RAB10: variants seen among roughly 807,000 people sequenced by gnomAD.
RAB10 encodes RAB10, member RAS oncogene family.
A neutral mutation model predicts 25.7 loss-of-function variants in RAB10; 5 were observed. The ratio of observed to expected loss-of-function variants is 0.19; its 90% CI spans 0.10 to 0.41. The LOEUF is 0.41. Among genes scored for constraint, RAB10 ranks in the 10% least tolerant of loss-of-function variants. RAB10 has a pLI of 1.00. For synonymous variants in RAB10, 89 were observed against 86.4 expected (o/e 1.03, Z -0.16); for missense variants, 103 against 245.8 (o/e 0.42, Z 3.89).
chr2:26,067,148 C>T (rs1176795046), intron 1 of RAB10, among the ~76,000 whole-genome samples: 1 of 152,092 alleles, frequency 6.6e-6, no homozygotes, highest in Non-Finnish European at 1.5e-5. Context: ...AACTCCTGGG[C>T]TCAAGTGATC....
intron 1 of RAB10, among the ~76,000 whole-genome samples, chr2:26,076,411 A>G (rs1269143533): frequency 6.6e-6 from 1 of 152,082 alleles, no homozygotes; most frequent in Non-Finnish European, 1.5e-5. Flanking sequence ...CACCATCACA[A>G]TTTTTTGGGA....
intron 1 of RAB10, among the ~76,000 whole-genome samples, chr2:26,059,416 C>T (rs1229792255): frequency 1.3e-5 from 2 of 152,144 alleles, no homozygotes; most frequent in African/African-American, 4.8e-5. Flanking sequence ...TAACTTCTAA[C>T]ATTTAGTAGC....
chr2:26,117,637 A>AAAAAAAAAAAAAAC (rs1559597816), intron 3 of RAB10, among the ~76,000 whole-genome samples: 1 of 138,136 alleles, frequency 7.2e-6, no homozygotes, highest in Non-Finnish European at 1.6e-5. Flanking sequence ...AAAAAAAAAC[A>AAAAAAAAAAAAAAC]AAAAAAACAA....
intron 3 of RAB10, among the ~76,000 whole-genome samples, chr2:26,122,424 C>T (rs956926138): frequency 3.3e-5 from 5 of 152,074 alleles, no homozygotes; most frequent in African/African-American, 9.7e-5. Context: ...GTCAGGAGAT[C>T]GAGACCATCC....
intron 3 of RAB10, among the ~76,000 whole-genome samples, chr2:26,113,866 C>T (rs537223707): frequency 3.4e-4 from 52 of 151,948 alleles, no homozygotes; most frequent in South Asian, 8.3e-4. Flanking sequence ...CCAGAAAACT[C>T]TTAGAACTAA....
intron 1 of RAB10, among the ~76,000 whole-genome samples, chr2:26,037,707 G>C (rs1665794006): frequency 6.6e-6 from 1 of 151,840 alleles, no homozygotes; most frequent in African/African-American, 2.4e-5. Flanking sequence ...TTAGGGGTTA[G>C]TGAGAGTAAA....
At position 26,034,146 on chromosome 2, in the gene RAB10, G is replaced by A. The variant is rs1297264958; in HGVS notation, c.-463G>A. The A allele has an allele frequency of 1.2e-5, 5 of 406,788 alleles. No individual in the cohort carries two copies. The highest frequency in any genetic ancestry group is 1.0e-4 in the African/African-American group (5 of 48,698). The allele number at this position is 406,788 out of a possible 1,614,324, so 25.2% of individuals were successfully genotyped here. A position where few individuals can be genotyped will look rare whatever the true frequency, so the allele number is the denominator to read the frequency against. ...GGGAAAAGGTGGCTCTGGCCGGGGT[G>A]GCTCGGTTTCCTGGGGCTATGTAAC... On this transcript the variant is annotated 5_prime_UTR_variant, in exon 1 of 6. Coordinates refer to ENST00000264710, the MANE Select transcript of RAB10 (RefSeq NM_016131.5).
At chr2:26,071,916 T>C (rs1480997800) in intron 1 of RAB10, among the ~76,000 whole-genome samples, 2 of 152,186 alleles carry the variant, frequency 1.3e-5, no homozygotes, top group African/African-American at 2.4e-5. Flanking sequence ...TGTCTGCTGC[T>C]GTGAGTGTGA....
chr2:26,129,733 G>GC (rs1305696886), intron 5 of RAB10, among the ~76,000 whole-genome samples: 35 of 152,174 alleles, frequency 2.3e-4, no homozygotes, highest in African/African-American at 8.2e-4. Context: ...TTTTGAGTCT[G>GC]CCAGCTTCCT....
At chr2:26,096,012 G>A (rs966096146) in intron 1 of RAB10, among the ~76,000 whole-genome samples, 2 of 152,180 alleles carry the variant, frequency 1.3e-5, no homozygotes, top group Non-Finnish European at 2.9e-5. Context: ...CTGGTTTTCA[G>A]TTCCGTCTTT....
At chr2:26,052,470 ATTTTTTTT>A (rs10712935) in intron 1 of RAB10, among the ~76,000 whole-genome samples, 8 of 114,548 alleles carry the variant, frequency 7.0e-5, no homozygotes, top group South Asian at 2.8e-4. Context: ...CCGTGAGCCA[ATTTTTTTT>A]TTTTTTTTTT....
At chr2:26,067,352 A>G (rs1410202084) in intron 1 of RAB10, among the ~76,000 whole-genome samples, 2 of 152,242 alleles carry the variant, frequency 1.3e-5, no homozygotes, top group African/African-American at 4.8e-5. Flanking sequence ...TGTAACAATG[A>G]AAAGGTCATT....
chr2:26,114,737 C>CCAAAAAAAAAAAA lies in RAB10; in HGVS notation c.327+4831_327+4832insCAAAAAAAAAAAA, dbSNP rs1375257249. On this transcript the variant is annotated intron_variant, in intron 3 of 5. Transcript: ENST00000264710. ...GAAACCCCATCTCTACAAAAATATA[C>CCAAAAAAAAAAAA]AAAAAAAAAAAAAAAAAATTAGTCG... 5.1e-4 allele frequency among the ~76,000 whole-genome samples: 34 copies of CCAAAAAAAAAAAA among 66,056 alleles called. 1 individual carries two copies. In the South Asian group the frequency reaches 0.014, roughly 28 times the overall value. The allele number at this position is 66,056 out of a possible 152,430, so 43.3% of individuals were successfully genotyped here.
chr2:26,049,819 A>C (rs1256023517), intron 1 of RAB10, among the ~76,000 whole-genome samples: 1 of 152,186 alleles, frequency 6.6e-6, no homozygotes, highest in African/African-American at 2.4e-5. Context: ...TAAGTAGCCT[A>C]CTATATTTCC....
intron 2 of RAB10, among the ~76,000 whole-genome samples, chr2:26,103,763 G>T (rs1192424167): frequency 6.6e-6 from 1 of 152,054 alleles, no homozygotes; most frequent in Non-Finnish European, 1.5e-5. Context: ...CCTGGCCAGG[G>T]AAACCACTGA....
intron 3 of RAB10, among the ~76,000 whole-genome samples, chr2:26,124,377 T>C (rs1482265391): frequency 1.4e-5 from 2 of 141,392 alleles, no homozygotes; most frequent in Non-Finnish European, 3.0e-5. Context: ...GTTTTTCTTA[T>C]TGTTGTTGTT....
chr2:26,063,170 C>G (rs930313398), intron 1 of RAB10, among the ~76,000 whole-genome samples: 1 of 151,710 alleles, frequency 6.6e-6, no homozygotes, highest in Non-Finnish European at 1.5e-5. Flanking sequence ...AATGGTCAAT[C>G]TATTAGACTG....
intron 1 of RAB10, among the ~76,000 whole-genome samples, chr2:26,079,614 A>C (rs913276425): frequency 1.4e-5 from 2 of 146,266 alleles, no homozygotes; most frequent in Non-Finnish European, 3.0e-5. Flanking sequence ...ATCTTGGACT[A>C]TAAATACAAT....
intron 3 of RAB10, among the ~76,000 whole-genome samples, chr2:26,112,140 A>G (rs766197264): frequency 2.0e-5 from 3 of 152,204 alleles, no homozygotes; most frequent in Non-Finnish European, 2.9e-5. Flanking sequence ...CACCTCTCCC[A>G]GCACCTTGAT....
Sources: allele counts gnomAD v4.1 joint callset (sites outside exome capture counted in the v4.1 genomes callset), GRCh38; gene constraint gnomAD v4.1.1; transcripts MANE v1.5; gene names NCBI Gene and HGNC (gene_info 2026-07-23, HGNC 2026-07-21).